SH3RF3: variants seen among roughly 807,000 people sequenced by gnomAD.
SH3RF3 encodes the protein E3 ubiquitin-protein ligase SH3RF3.
SH3RF3 carries 29 observed loss-of-function variants against 66.3 expected under a neutral mutation model. The ratio of observed to expected loss-of-function variants is 0.44; its 90% confidence interval spans 0.33 to 0.60. The LOEUF is 0.60. SH3RF3 is among the 20% of genes least tolerant of loss of function. The pLI is 0.04. For synonymous variants in SH3RF3, 583 were observed against 532.0 expected (o/e 1.10, Z -1.32); for missense variants, 1,194 against 1,190.9 (o/e 1.00, Z -0.04).
At chr2:109,181,749 C>G (rs917387242) in intron 1 of SH3RF3, among the ~76,000 whole-genome samples, 1 of 152,184 alleles carries the variant, frequency 6.6e-6, no homozygotes, top group Non-Finnish European at 1.5e-5. Context: ...GTAGTGGATG[C>G]TAGGTTCCAT....
chr2:109,273,716 T>C (rs1680679657), intron 1 of SH3RF3, among the ~76,000 whole-genome samples: 1 of 152,194 alleles, frequency 6.6e-6, no homozygotes, highest in African/African-American at 2.4e-5. Context: ...TCTATCACGT[T>C]GCAGGGTAGG....
At chr2:109,186,246 A>G (rs1449082151) in intron 1 of SH3RF3, among the ~76,000 whole-genome samples, 1 of 152,250 alleles carries the variant, frequency 6.6e-6, no homozygotes, top group Non-Finnish European at 1.5e-5. Flanking sequence ...CGTGTACGAG[A>G]TGCTTTCCTT....
intron 1 of SH3RF3, among the ~76,000 whole-genome samples, chr2:109,272,282 T>G (rs1422340074): frequency 6.6e-6 from 1 of 152,218 alleles, no homozygotes; most frequent in Non-Finnish European, 1.5e-5. Context: ...AACCAAAAAC[T>G]GGGTCTTGGA....
chr2:109,192,900 C>T (rs1186022717), intron 1 of SH3RF3, among the ~76,000 whole-genome samples: 1 of 152,130 alleles, frequency 6.6e-6, no homozygotes, highest in Non-Finnish European at 1.5e-5. Flanking sequence ...TATGACATTC[C>T]AGTGATATGC....
chr2:109,490,275 G>A lies in SH3RF3; in HGVS notation c.2149-330G>A, dbSNP rs145080500. ...GCAGGCATGCTTACTGCTTGACTCC[G>A]GAGCAGAGGGCCAGCATCCTCACAG... On this transcript the variant is annotated intron_variant, in intron 8 of 9. Transcript: ENST00000309415. Among the ~76,000 whole-genome samples the A allele has an allele frequency of 3.5e-4, 53 of 152,194 alleles. No homozygotes were observed. In the East Asian group the frequency reaches 6.6e-3, roughly 19 times the overall value.
At chr2:109,155,329 C>G (rs1574477936) in intron 1 of SH3RF3, among the ~76,000 whole-genome samples, 2 of 152,230 alleles carry the variant, frequency 1.3e-5, no homozygotes, top group Admixed American at 1.3e-4. Context: ...GAGATGGAGT[C>G]TCGCTCTGTT....
At chr2:109,398,533 T>C in intron 3 of SH3RF3, 57 bp from the exon 4 acceptor site, 2 of 1,426,168 alleles carry the variant, frequency 1.4e-6, no homozygotes, top group South Asian at 1.3e-5. Context: ...TGCAGAGGGC[T>C]GGTGTGGCAT....
intron 6 of SH3RF3, among the ~76,000 whole-genome samples, chr2:109,433,140 GGTGT>G (rs1458235616): frequency 3.3e-5 from 5 of 152,262 alleles, no homozygotes; most frequent in African/African-American, 1.2e-4. Context: ...GTAAGCACAA[GGTGT>G]GTGCGTGTGT....
chr2:109,196,433 C>T (rs1312385356), intron 1 of SH3RF3, among the ~76,000 whole-genome samples: 1 of 152,218 alleles, frequency 6.6e-6, no homozygotes, highest in Non-Finnish European at 1.5e-5. Flanking sequence ...ATGGCTTCCA[C>T]AGCCCTTCCT....
chr2:109,351,028 C>T (rs988124821), intron 2 of SH3RF3, among the ~76,000 whole-genome samples: 3 of 152,222 alleles, frequency 2.0e-5, no homozygotes, highest in African/African-American at 7.2e-5. Context: ...AATTAAAGTC[C>T]TTCTAAAATC....
intron 4 of SH3RF3, among the ~76,000 whole-genome samples, chr2:109,411,611 T>C (rs992370020): frequency 6.6e-6 from 1 of 152,156 alleles, no homozygotes; most frequent in African/African-American, 2.4e-5. Flanking sequence ...CTTTGTACTT[T>C]TAGTTTTCAT....
intron 1 of SH3RF3, among the ~76,000 whole-genome samples, chr2:109,171,393 A>C (rs1677780480): frequency 6.6e-6 from 1 of 152,338 alleles, no homozygotes; most frequent in African/African-American, 2.4e-5. Context: ...GTGACTATGA[A>C]TATTCGGAGA....
chr2:109,279,522 T>A (rs1680835083), intron 1 of SH3RF3, among the ~76,000 whole-genome samples: 1 of 152,130 alleles, frequency 6.6e-6, no homozygotes, highest in Non-Finnish European at 1.5e-5. Flanking sequence ...CACCGCCCCC[T>A]CCATCACCCT....
At chr2:109,339,251 C>T (rs1054806041) in intron 1 of SH3RF3, among the ~76,000 whole-genome samples, 1 of 150,928 alleles carries the variant, frequency 6.6e-6, no homozygotes, top group Admixed American at 6.6e-5. Context: ...CAGTTTAAAC[C>T]CATGTTGGTT....
intron 1 of SH3RF3, among the ~76,000 whole-genome samples, chr2:109,215,035 A>G (rs1453565547): frequency 1.3e-5 from 2 of 152,198 alleles, no homozygotes; most frequent in Non-Finnish European, 2.9e-5. Context: ...CAGCTTTTGT[A>G]CTTCTAACCA....
At chr2:109,434,913 C>T (rs1425566578) in intron 6 of SH3RF3, among the ~76,000 whole-genome samples, 1 of 151,866 alleles carries the variant, frequency 6.6e-6, no homozygotes, top group Admixed American at 6.6e-5. Flanking sequence ...ACTGTCTTCT[C>T]CTGCTGCCAG....
At chr2:109,215,729 C>T (rs1047552252) in intron 1 of SH3RF3, among the ~76,000 whole-genome samples, 6 of 152,216 alleles carry the variant, frequency 3.9e-5, no homozygotes, top group African/African-American at 7.2e-5. Flanking sequence ...TGAACTGCCA[C>T]TGCTAGGACA....
At chr2:109,418,991 G>A (rs969576105) in intron 4 of SH3RF3, among the ~76,000 whole-genome samples, 1 of 152,042 alleles carries the variant, frequency 6.6e-6, no homozygotes, top group Non-Finnish European at 1.5e-5. Context: ...CGTTCCTCGG[G>A]TCATCTCCTT....
At chr2:109,296,433 G>A (rs1228192425) in intron 1 of SH3RF3, among the ~76,000 whole-genome samples, 1 of 151,830 alleles carries the variant, frequency 6.6e-6, no homozygotes, top group African/African-American at 2.4e-5. Context: ...GTAGGGATGG[G>A]GTTTTACCAT....
Sources: gnomAD v4.1 joint callset for allele counts (sites outside exome capture counted in the v4.1 genomes callset) on GRCh38, gnomAD v4.1.1 for gene constraint, MANE v1.5 for transcripts, NCBI Gene and HGNC (gene_info 2026-07-23, HGNC 2026-07-21) for gene names.